The following CRY1 variants were observed in gnomAD, a reference collection of about 807,000 sequenced individuals.
CRY1 encodes the protein cryptochrome-1.
CRY1 carries 45 observed loss-of-function variants against 76.0 expected under a neutral mutation model. The observed-to-expected ratio is 0.59, with a 90% CI of 0.47 to 0.76. The LOEUF (loss-of-function observed/expected upper bound fraction) is 0.76, where lower values mean the gene tolerates loss of function less well. Among genes scored for constraint, CRY1 ranks in the 30% least tolerant of loss-of-function variants. The pLI is 0.00. For missense variants in CRY1, 587 were observed against 716.4 expected, an observed-to-expected ratio of 0.82 and a Z score of 2.06; for synonymous variants, 248 against 244.0, an observed-to-expected ratio of 1.02 and a Z score of -0.15.
intron 5 of CRY1, 63 bp from the exon 6 acceptor site, chr12:107,000,145 G>A: frequency 1.3e-6 from 2 of 1,482,950 alleles, no homozygotes; most frequent in Non-Finnish European, 1.8e-6. Flanking sequence ...AGAACACTCA[G>A]AATGGAGATT....
At position 107,093,520 on chromosome 12, in the gene CRY1, G is replaced by C. The variant is rs756478776; in HGVS notation, c.-559C>G. 6.6e-6 allele frequency: 1 copy of C among 152,314 alleles called. No individual in the cohort carries two copies. Among genetic ancestry groups the C allele is most frequent in the African/African-American group, 2.4e-5 (1 of 41,466 alleles). 9.4% of individuals were successfully genotyped at this position (152,314 alleles called of 1,614,324 possible). On this transcript the variant is annotated 5_prime_UTR_variant, in exon 1 of 13. Coordinates refer to ENST00000008527, the MANE Select transcript of CRY1 (RefSeq NM_004075.5). Reference sequence around the variant, plus strand: ...GGCCGCTGGACGGTTGCCGGCCGGTGACCGGTCCCGAGGCTGCCCGGGTGA... The same window carrying C: ...GGCCGCTGGACGGTTGCCGGCCGGTCACCGGTCCCGAGGCTGCCCGGGTGA...
intron 1 of CRY1, among the ~76,000 whole-genome samples, chr12:107,087,111 G>A (rs774664371): frequency 3.3e-5 from 5 of 152,246 alleles, no homozygotes; most frequent in African/African-American, 4.8e-5. Context: ...GATGTAAACA[G>A]CATACACCCT....
At position 107,088,356 on chromosome 12, in the gene CRY1, G is replaced by C. The variant is rs143679926; in HGVS notation, c.158+4448C>G. Reference sequence around the variant, plus strand: ...CTTCCATCATGATTAAAAGCTTTCTGAGGTCCTCACCAGAACCAGAGGCTG... The same window carrying C: ...CTTCCATCATGATTAAAAGCTTTCTCAGGTCCTCACCAGAACCAGAGGCTG... On this transcript the variant is annotated intron_variant, in intron 1 of 12. Coordinates refer to ENST00000008527, the MANE Select transcript of CRY1 (RefSeq NM_004075.5). 6.8e-3 allele frequency among the ~76,000 whole-genome samples: 1,042 copies of C among 152,266 alleles called. 18 individuals are homozygous for C. Among genetic ancestry groups the C allele is most frequent in the African/African-American group, 0.024 (999 of 41,562 alleles).
chr12:106,994,247 C>G (rs1952209835), intron 10 of CRY1, among the ~76,000 whole-genome samples: 6 of 152,062 alleles, frequency 3.9e-5, no homozygotes, highest in Non-Finnish European at 1.5e-5. Context: ...TAGCATAGCC[C>G]AAGCCGTGTC....
Position 107,064,178 on chromosome 12 carries a change from T to C in CRY1, c.158+28626A>G, listed in dbSNP as rs1953083324. 2.0e-5 allele frequency among the ~76,000 whole-genome samples: 3 copies of C among 152,160 alleles called. No homozygotes were observed. In the South Asian group the frequency reaches 6.2e-4, roughly 31 times the overall value. ...AAAATTCTGTCATTTGTGATGTGAA[T>C]GCATGTAGAGACACTATGCTAAGTG... On this transcript the variant is annotated intron_variant, in intron 1 of 12. Coordinates refer to ENST00000008527, the MANE Select transcript of CRY1 (RefSeq NM_004075.5).
intron 1 of CRY1, among the ~76,000 whole-genome samples, chr12:107,053,320 T>C (rs559142718): frequency 6.6e-6 from 1 of 152,004 alleles, no homozygotes; most frequent in Non-Finnish European, 1.5e-5. Flanking sequence ...CACGTACAAA[T>C]GTATTTTTTT....
At chr12:107,031,506 T>C (rs1952674237) in intron 1 of CRY1, among the ~76,000 whole-genome samples, 1 of 151,988 alleles carries the variant, frequency 6.6e-6, no homozygotes, top group African/African-American at 2.4e-5. Context: ...TCTCCTTGAA[T>C]GGAAAGGAAA....
At chr12:107,010,852 C>T (rs1474098898) in intron 2 of CRY1, among the ~76,000 whole-genome samples, 1 of 152,160 alleles carries the variant, frequency 6.6e-6, no homozygotes, top group Non-Finnish European at 1.5e-5. Flanking sequence ...TCTGTCTGCC[C>T]TACCCAGCCT....
At chr12:107,079,256 T>C (rs1313768829) in intron 1 of CRY1, among the ~76,000 whole-genome samples, 1 of 152,120 alleles carries the variant, frequency 6.6e-6, no homozygotes, top group Non-Finnish European at 1.5e-5. Flanking sequence ...AAAGAGCCAA[T>C]GAAGTGCCAT....
intron 1 of CRY1, among the ~76,000 whole-genome samples, chr12:107,082,054 C>G (rs1037643906): frequency 6.6e-6 from 1 of 151,930 alleles, no homozygotes; most frequent in African/African-American, 2.4e-5. Flanking sequence ...CAATCCTAGT[C>G]TCTGATAAAA....
chr12:107,081,494 A>G (rs1886735728), intron 1 of CRY1, among the ~76,000 whole-genome samples: 1 of 151,806 alleles, frequency 6.6e-6, no homozygotes, highest in South Asian at 2.1e-4. Context: ...TGAATTTACC[A>G]CCACCTGATA....
intron 2 of CRY1, among the ~76,000 whole-genome samples, chr12:107,011,293 T>G (rs1480187280): frequency 2.0e-5 from 3 of 150,604 alleles, no homozygotes. Context: ...GAGTTTGCAG[T>G]GAGCTGAGAT....
At chr12:107,056,107 T>C (rs888065636) in intron 1 of CRY1, among the ~76,000 whole-genome samples, 5 of 152,194 alleles carry the variant, frequency 3.3e-5, no homozygotes, top group Admixed American at 1.3e-4. Context: ...AGAACCTTAA[T>C]AGTGGTTTTG....
At chr12:107,035,478 A>G (rs1482077148) in intron 1 of CRY1, among the ~76,000 whole-genome samples, 1 of 152,228 alleles carries the variant, frequency 6.6e-6, no homozygotes, top group Non-Finnish European at 1.5e-5. Context: ...AAACATTTAG[A>G]AAGTGTGTAT....
chr12:107,071,464 C>T (rs1227215834), intron 1 of CRY1, among the ~76,000 whole-genome samples: 1 of 152,072 alleles, frequency 6.6e-6, no homozygotes, highest in Non-Finnish European at 1.5e-5. Context: ...CTTCTGTATC[C>T]TATTTGATAA....
In CRY1 at chr12:107,057,592, G is replaced by A. The variant is rs148972656; in HGVS notation, c.158+35212C>T. ...AAGAAAAGTTTCAGCTTAGCTGGGCGTGGTGGTATGTGCCTGTACTCCTAG... is the reference window on the plus strand; with the variant it reads ...AAGAAAAGTTTCAGCTTAGCTGGGCATGGTGGTATGTGCCTGTACTCCTAG... On this transcript the variant is annotated intron_variant, in intron 1 of 12. Transcript: ENST00000008527. 4.7e-3 allele frequency among the ~76,000 whole-genome samples: 720 copies of A among 151,898 alleles called. 1 individual carries two copies. The highest frequency in any genetic ancestry group is 0.02 in the South Asian group (94 of 4,790).
At chr12:107,072,221 A>C (rs1043857323) in intron 1 of CRY1, among the ~76,000 whole-genome samples, 5 of 152,196 alleles carry the variant, frequency 3.3e-5, no homozygotes, top group African/African-American at 1.2e-4. Context: ...CTCAGTGCCA[A>C]GGCCCAATAC....
chr12:107,042,874 C>T (rs1952813853), intron 1 of CRY1: 1 of 151,966 alleles, frequency 6.6e-6, no homozygotes, highest in South Asian at 2.1e-4. Context: ...GCAAGAGGAT[C>T]CCAGCAACCT....
chr12:107,064,296 G>T (rs913412952), intron 1 of CRY1, among the ~76,000 whole-genome samples: 6 of 152,064 alleles, frequency 3.9e-5, no homozygotes, highest in African/African-American at 1.4e-4. Context: ...TAAAAAATTA[G>T]CAAAAGATTA....
Sources: allele counts gnomAD v4.1 joint callset (sites outside exome capture counted in the v4.1 genomes callset), GRCh38; gene constraint gnomAD v4.1.1; transcripts MANE v1.5; gene names NCBI Gene and HGNC (gene_info 2026-07-23, HGNC 2026-07-21).